Variants in CCDC144A observed in about 807,000 individuals in gnomAD.
The protein encoded by CCDC144A is coiled-coil domain containing 144A.
In CCDC144A, 41 loss-of-function variants were observed where a neutral mutation model predicts 143.8. The observed-to-expected ratio is 0.29, with a 90% CI of 0.22 to 0.37. The LOEUF is 0.37. Ranked by LOEUF, CCDC144A falls within the 10% of genes least tolerant of loss-of-function variation. The probability of loss-of-function intolerance (pLI) is 1.00; values close to 1 mark genes in which losing one functional copy is unlikely to be tolerated. For synonymous variants in CCDC144A, 242 were observed against 517.9 expected (o/e 0.47, Z 7.23); for missense variants, 637 against 1,488.8 (o/e 0.43, Z 9.41).
chr17:16,733,060 G>A (rs59075054), intron 11 of CCDC144A, among the ~76,000 whole-genome samples: 16,920 of 151,596 alleles, frequency 0.11, 1,218 homozygotes, highest in South Asian at 0.29. Flanking sequence ...ATTTCCACTT[G>A]TAGTAAGGAT....
chr17:16,773,472 A>T, intron 16 of CCDC144A, 25 bp from the exon 17 acceptor site: 1 of 1,534,598 alleles, frequency 6.5e-7, no homozygotes, highest in Admixed American at 2.0e-5. Flanking sequence ...AATAATAATA[A>T]TATAATTCTT....
intron 12 of CCDC144A, among the ~76,000 whole-genome samples, chr17:16,745,167 T>G (rs1914437175): frequency 1.3e-5 from 2 of 151,384 alleles, no homozygotes; most frequent in Admixed American, 6.6e-5. Context: ...TCACAAAGGT[T>G]GTAACAAACA....
intron 2 of CCDC144A, among the ~76,000 whole-genome samples, chr17:16,694,612 A>G (rs1911291100): frequency 6.6e-5 from 10 of 152,096 alleles, no homozygotes; most frequent in Admixed American, 4.6e-4. Context: ...CCTGCCAAAC[A>G]TACCCAATGT....
chr17:16,725,092 CT>C (rs1211387503), intron 8 of CCDC144A, among the ~76,000 whole-genome samples: 2 of 118,982 alleles, frequency 1.7e-5, no homozygotes, highest in Admixed American at 2.2e-4. Context: ...CTTTTGTCAA[CT>C]CTTAGCCTGG....
chr17:16,717,649 A>T (rs1912853257), intron 6 of CCDC144A, among the ~76,000 whole-genome samples: 2 of 152,150 alleles, frequency 1.3e-5, no homozygotes, highest in South Asian at 4.2e-4. Context: ...TCAACTCTTA[A>T]ACTACACATT....
At chr17:16,754,825 A>G (rs1412646104) in intron 12 of CCDC144A, among the ~76,000 whole-genome samples, 1 of 152,194 alleles carries the variant, frequency 6.6e-6, no homozygotes, top group Non-Finnish European at 1.5e-5. Flanking sequence ...AAGTCAGACT[A>G]TGGAGTCCCC....
At chr17:16,762,261 A>C in intron 13 of CCDC144A, 52 bp from the exon 14 acceptor site, 1 of 1,532,770 alleles carries the variant, frequency 6.5e-7, no homozygotes, top group Middle Eastern at 1.7e-4. Context: ...AATACACAGT[A>C]ATTATTCAGG....
intron 12 of CCDC144A, among the ~76,000 whole-genome samples, chr17:16,750,180 A>T (rs1331587402): frequency 6.6e-6 from 1 of 151,982 alleles, no homozygotes; most frequent in Non-Finnish European, 1.5e-5. Context: ...TAGTTGTGTA[A>T]TAGGGTCTGT....
intron 2 of CCDC144A, among the ~76,000 whole-genome samples, chr17:16,702,216 C>A (rs1276958874): frequency 6.6e-6 from 1 of 152,122 alleles, no homozygotes; most frequent in East Asian, 1.9e-4. Context: ...ATTTTTCTTA[C>A]CAGGTAGTAC....
intron 12 of CCDC144A, among the ~76,000 whole-genome samples, chr17:16,751,150 A>G (rs955579681): frequency 6.6e-6 from 1 of 152,158 alleles, no homozygotes; most frequent in African/African-American, 2.4e-5. Flanking sequence ...TCCTCTGAAA[A>G]TGCTGATGTT....
chr17:16,728,547 T>C (rs1913545643), intron 9 of CCDC144A, among the ~76,000 whole-genome samples: 2 of 152,218 alleles, frequency 1.3e-5, no homozygotes, highest in African/African-American at 4.8e-5. Flanking sequence ...CCCAAAGTAA[T>C]TTTCAAAAAA....
intron 2 of CCDC144A, among the ~76,000 whole-genome samples, chr17:16,704,327 C>G (rs985824911): frequency 1.3e-5 from 2 of 151,820 alleles, no homozygotes; most frequent in East Asian, 3.9e-4. Flanking sequence ...TAGTGGCAGG[C>G]GGCTGTAGCC....
At chr17:16,719,168 T>C (rs1276601840) in intron 6 of CCDC144A, among the ~76,000 whole-genome samples, 1 of 151,684 alleles carries the variant, frequency 6.6e-6, no homozygotes, top group Non-Finnish European at 1.5e-5. Context: ...CAAGTTGACC[T>C]ACAATGGATT....
chr17:16,677,160 T>C, the CCDC144A span, among the ~76,000 whole-genome samples: 1 of 152,224 alleles, frequency 6.6e-6, no homozygotes, highest in Admixed American at 6.5e-5. Context: ...TCTCTCCTTC[T>C]GCACCTTCGT....
chr17:16,676,770 T>C, the CCDC144A span, among the ~76,000 whole-genome samples: 3 of 151,592 alleles, frequency 2.0e-5, no homozygotes, highest in Non-Finnish European at 2.9e-5. Flanking sequence ...ACAGGAAGAG[T>C]TGAATTATAT....
At chr17:16,703,242 C>T (rs910451834) in intron 2 of CCDC144A, among the ~76,000 whole-genome samples, 27 of 151,718 alleles carry the variant, frequency 1.8e-4, no homozygotes, top group African/African-American at 6.5e-4. Flanking sequence ...AATTTGTTTT[C>T]ATGTCCTAAA....
At chr17:16,672,771 T>C in the CCDC144A span, among the ~76,000 whole-genome samples, 1 of 152,130 alleles carries the variant, frequency 6.6e-6, no homozygotes, top group African/African-American at 2.4e-5. Flanking sequence ...TTCTAAGAAT[T>C]TGCTCATAAT....
At position 16,729,654 on chromosome 17, in the gene CCDC144A, CA is replaced by C. The variant is rs1442427806; in HGVS notation, c.2105+1916del. On this transcript the variant is annotated intron_variant, in intron 9 of 16. Coordinates refer to ENST00000399273, the MANE Select transcript of CCDC144A (RefSeq NM_001382000.1). ...CATGGCTACCTCTGCCTCCCGGGTTCAAGCTATTCTCCTGCCTCAGCCTCCT... is the reference window on the plus strand; with the variant it reads ...CATGGCTACCTCTGCCTCCCGGGTTCAGCTATTCTCCTGCCTCAGCCTCCT... 1.3e-3 allele frequency among the ~76,000 whole-genome samples: 194 copies of C among 151,730 alleles called. 1 individual carries two copies. Among genetic ancestry groups the C allele is most frequent in the African/African-American group, 4.6e-3 (190 of 41,362 alleles).
chr17:16,724,509 CAAAAAAAAA>C (rs1194753881), intron 8 of CCDC144A, among the ~76,000 whole-genome samples: 9 of 65,924 alleles, frequency 1.4e-4, no homozygotes, highest in Non-Finnish European at 2.9e-4. Flanking sequence ...GACTCCGTCT[CAAAAAAAAA>C]AAAAAAAAAA....
Sources: allele counts gnomAD v4.1 joint callset (sites outside exome capture counted in the v4.1 genomes callset), GRCh38; gene constraint gnomAD v4.1.1; transcripts MANE v1.5; gene names NCBI Gene and HGNC (gene_info 2026-07-23, HGNC 2026-07-21).